The following LCMT1 variants were observed in gnomAD, a reference collection of about 807,000 sequenced individuals.
The protein encoded by LCMT1 is leucine carboxyl methyltransferase 1.
In LCMT1, 32 loss-of-function variants were observed where a neutral mutation model predicts 47.7. The observed-to-expected ratio is 0.67, with a 90% CI of 0.51 to 0.90. The LOEUF (loss-of-function observed/expected upper bound fraction) is 0.90, where lower values mean the gene tolerates loss of function less well. LCMT1 is among the 40% of genes least tolerant of loss of function. The pLI is 0.00. For missense variants in LCMT1, 375 were observed against 415.2 expected, an observed-to-expected ratio of 0.90 and a Z score of 0.84; for synonymous variants, 152 against 149.7, an observed-to-expected ratio of 1.02 and a Z score of -0.11.
At chr16:25,132,313 T>C (rs1211570580) in intron 2 of LCMT1, 89 bp from the exon 3 acceptor site, 1 of 1,492,396 alleles carries the variant, frequency 6.7e-7, no homozygotes, top group Non-Finnish European at 9.2e-7. Flanking sequence ...ATGCTCTCTG[T>C]TTTGCTCTTC....
rs558902628 is a variant in LCMT1 at position 25,169,069 on chromosome 16, G to A, written c.691-43G>A. On this transcript the variant is annotated intron_variant, in intron 7 of 10. Transcript: ENST00000399069. The stretch of plus-strand genomic sequence containing the variant: ...AATGATGTTTTATTTTGCATATTTA[G>A]GAAACCCTTAGAGTAATATCTTACC... The A allele has an allele frequency of 2.0e-5, 27 of 1,353,694 alleles. No homozygotes were observed. In the African/African-American group the frequency reaches 3.9e-4, roughly 19 times the overall value. 83.9% of individuals were successfully genotyped at this position (1,353,694 alleles called of 1,614,324 possible). A position where few individuals can be genotyped will look rare whatever the true frequency, so the allele number is the denominator to read the frequency against.
chr16:25,130,693 A>G (rs1265904564), intron 2 of LCMT1, among the ~76,000 whole-genome samples: 1 of 152,184 alleles, frequency 6.6e-6, no homozygotes, highest in African/African-American at 2.4e-5. Flanking sequence ...GGCTCACAGT[A>G]TGAGTAGTGT....
chr16:25,124,358 TG>T (rs1374654763), intron 1 of LCMT1, among the ~76,000 whole-genome samples: 3 of 152,154 alleles, frequency 2.0e-5, no homozygotes, highest in Non-Finnish European at 4.4e-5. Flanking sequence ...CAAGTGTGTA[TG>T]GGGGGCAGAT....
At chr16:25,158,396 A>G (rs1450771954) in intron 5 of LCMT1, among the ~76,000 whole-genome samples, 1 of 152,214 alleles carries the variant, frequency 6.6e-6, no homozygotes, top group African/African-American at 2.4e-5. Context: ...TGGCCTCCCA[A>G]AGTGCTGGGA....
chr16:25,137,281 G>A (rs1208859776), intron 3 of LCMT1, among the ~76,000 whole-genome samples: 1 of 151,926 alleles, frequency 6.6e-6, no homozygotes, highest in African/African-American at 2.4e-5. Context: ...TGATCCACCT[G>A]CCTCAGGCTC....
At chr16:25,113,386 AAAC>A (rs1183332235) in intron 1 of LCMT1, among the ~76,000 whole-genome samples, 1 of 152,226 alleles carries the variant, frequency 6.6e-6, no homozygotes, top group East Asian at 1.9e-4. Context: ...AGACTCTGTC[AAAC>A]TGAGCGTTGC....
intron 1 of LCMT1, among the ~76,000 whole-genome samples, chr16:25,118,720 A>G (rs1370734541): frequency 1.3e-5 from 2 of 152,080 alleles, no homozygotes; most frequent in Non-Finnish European, 2.9e-5. Context: ...TGGGGAAGCA[A>G]TGTCCAGCAG....
At chr16:25,174,913 G>A (rs750818639) in intron 9 of LCMT1, 24 bp from the exon 10 acceptor site, 28 of 1,323,960 alleles carry the variant, frequency 2.1e-5, no homozygotes, top group Admixed American at 8.0e-5. Context: ...CACTTGCATC[G>A]TTCTATTTTA....
intron 9 of LCMT1, among the ~76,000 whole-genome samples, chr16:25,171,586 T>C (rs1895243646): frequency 6.6e-6 from 1 of 152,216 alleles, no homozygotes; most frequent in South Asian, 2.1e-4. Context: ...CAATGACACC[T>C]GGAAAACTCC....
intron 1 of LCMT1, among the ~76,000 whole-genome samples, chr16:25,120,741 T>G (rs1959952921): frequency 6.9e-6 from 1 of 145,376 alleles, no homozygotes; most frequent in East Asian, 2.0e-4. Context: ...GTTTTTTTGT[T>G]TTTTTTTTTT....
intron 7 of LCMT1, among the ~76,000 whole-genome samples, chr16:25,167,543 C>G (rs1195555757): frequency 6.6e-6 from 1 of 151,930 alleles, no homozygotes; most frequent in East Asian, 1.9e-4. Flanking sequence ...AACTCCTGGC[C>G]TCAAGCAGTT....
intron 1 of LCMT1, among the ~76,000 whole-genome samples, chr16:25,122,051 A>C (rs1046204155): frequency 2.0e-5 from 3 of 152,128 alleles, no homozygotes; most frequent in Non-Finnish European, 4.4e-5. Context: ...ATGTGTGTGA[A>C]TTTTCTTGTG....
chr16:25,154,337 T>C (rs564122585), intron 5 of LCMT1, among the ~76,000 whole-genome samples: 3 of 152,112 alleles, frequency 2.0e-5, no homozygotes, highest in South Asian at 4.2e-4. Flanking sequence ...AAAAAAATTA[T>C]GTAACTTTGA....
At chr16:25,133,998 C>G (rs62034868) in intron 3 of LCMT1, among the ~76,000 whole-genome samples, 11,765 of 149,676 alleles carry the variant, frequency 0.079, 673 homozygotes, top group Middle Eastern at 0.13. Flanking sequence ...TGCCACCGCA[C>G]TCCAGCCTGG....
In LCMT1 at chr16:25,111,962, C is replaced by T. The variant is rs1156394536; in HGVS notation, c.79C>T (p.Arg27Cys). ...CTGCGACGCAGACGACGAGGGCGTGCGCGGCACCTGCGAAGATGCTTCCCT... is the reference window on the plus strand; with the variant it reads ...CTGCGACGCAGACGACGAGGGCGTGTGCGGCACCTGCGAAGATGCTTCCCT... ...SSCDADDEGV[R>C]GTCEDASLCK... The change falls in exon 1 of 11, where the codon CGC becomes TGC. Residue 27 changes from arginine to cysteine, a missense_variant. By Grantham distance (180) the Arg-to-Cys change is radical. Coordinates refer to ENST00000399069, the MANE Select transcript of LCMT1 (RefSeq NM_016309.3). 9 of 1,613,538 alleles carry T rather than the reference C, an allele frequency of 5.6e-6. No homozygotes were observed. Among genetic ancestry groups the T allele is most frequent in the Non-Finnish European group, 7.6e-6 (9 of 1,179,698 alleles).
intron 3 of LCMT1, among the ~76,000 whole-genome samples, chr16:25,137,481 G>T (rs959340061): frequency 1.3e-5 from 2 of 152,022 alleles, no homozygotes; most frequent in Non-Finnish European, 2.9e-5. Flanking sequence ...ATCTGGCTCG[G>T]TCTCCCAGGC....
chr16:25,126,078 G>A lies in LCMT1; in HGVS notation c.114-2397G>A, dbSNP rs1424591745. 3.0e-6 allele frequency: 4 copies of A among 1,351,444 alleles called. No individual in the cohort carries two copies. The Admixed American group carries it at 7.6e-5, about 26-fold the overall frequency. 83.7% of individuals were successfully genotyped at this position (1,351,444 alleles called of 1,614,324 possible). On this transcript the variant is annotated intron_variant, in intron 1 of 10. Coordinates refer to ENST00000399069, the MANE Select transcript of LCMT1 (RefSeq NM_016309.3). ...TGGACAGTGAGGTCCTTCTTCCTAG[G>A]GCGCATGGAAACCTGTTGCAGTCAC...
At chr16:25,113,009 C>T (rs1378345716) in intron 1 of LCMT1, among the ~76,000 whole-genome samples, 4 of 151,730 alleles carry the variant, frequency 2.6e-5, no homozygotes, top group African/African-American at 9.7e-5. Flanking sequence ...GGTGTGGTGG[C>T]GGGCGCCTGT....
chr16:25,147,082 A>G (rs531614196), intron 4 of LCMT1: 2 of 152,336 alleles, frequency 1.3e-5, no homozygotes, highest in South Asian at 4.1e-4. Flanking sequence ...TTTCATCAGT[A>G]CTGCAAAGTG....
Sources: allele counts gnomAD v4.1 joint callset (sites outside exome capture counted in the v4.1 genomes callset), GRCh38; gene constraint gnomAD v4.1.1; transcripts MANE v1.5; gene names NCBI Gene and HGNC (gene_info 2026-07-23, HGNC 2026-07-21).